CNOT6: variants seen among roughly 807,000 people sequenced by gnomAD.
CNOT6 encodes the protein carbon catabolite repression 4 protein.
Under a neutral mutation model 61.2 loss-of-function variants are expected in CNOT6, and 12 were observed. That is an observed-to-expected ratio of 0.20 (90% CI 0.13 to 0.32). The LOEUF is 0.32. Among genes scored for constraint, CNOT6 ranks in the 10% least tolerant of loss-of-function variants. The pLI is 1.00. For missense variants in CNOT6, 405 were observed against 663.9 expected, an observed-to-expected ratio of 0.61 and a Z score of 4.28; for synonymous variants, 225 against 240.6, an observed-to-expected ratio of 0.94 and a Z score of 0.60.
chr5:180,555,075 C>T (rs186682625), intron 4 of CNOT6, among the ~76,000 whole-genome samples: 8 of 150,832 alleles, frequency 5.3e-5, no homozygotes, highest in African/African-American at 1.2e-4. Context: ...ATCATGATAT[C>T]GGCTCACTGC....
chr5:180,520,746 A>G (rs1757846150), intron 1 of CNOT6, among the ~76,000 whole-genome samples: 1 of 152,166 alleles, frequency 6.6e-6, no homozygotes, highest in African/African-American at 2.4e-5. Flanking sequence ...GAGTTACAAC[A>G]GTTTAGTTAC....
At chr5:180,522,405 G>A (rs1365990023) in intron 1 of CNOT6, among the ~76,000 whole-genome samples, 1 of 152,050 alleles carries the variant, frequency 6.6e-6, no homozygotes, top group Non-Finnish European at 1.5e-5. Flanking sequence ...TGAGCCACTG[G>A]GCCTGGCTTA....
At chr5:180,537,663 A>G (rs1758766683) in intron 2 of CNOT6, among the ~76,000 whole-genome samples, 2 of 152,280 alleles carry the variant, frequency 1.3e-5, no homozygotes, top group Admixed American at 1.3e-4. Flanking sequence ...ATTAGGAAGA[A>G]CATCTTGACA....
chr5:180,541,383 C>T (rs961327505), intron 2 of CNOT6, among the ~76,000 whole-genome samples: 3 of 151,198 alleles, frequency 2.0e-5, no homozygotes, highest in African/African-American at 4.9e-5. Flanking sequence ...GTGATCCACC[C>T]GCCACGGCCT....
intron 2 of CNOT6, among the ~76,000 whole-genome samples, chr5:180,546,012 G>A (rs1013817858): frequency 6.6e-6 from 1 of 150,898 alleles, no homozygotes; most frequent in Non-Finnish European, 1.5e-5. Flanking sequence ...TGAAAATTAT[G>A]TTTTATTTCT....
At chr5:180,495,199 G>A (rs888664019) in intron 1 of CNOT6, among the ~76,000 whole-genome samples, 4 of 152,256 alleles carry the variant, frequency 2.6e-5, no homozygotes, top group Non-Finnish European at 5.9e-5. Context: ...TTACTGTCAA[G>A]CGGGAAACCA....
At chr5:180,513,366 T>C (rs1252138969) in intron 1 of CNOT6, among the ~76,000 whole-genome samples, 1 of 151,772 alleles carries the variant, frequency 6.6e-6, no homozygotes, top group Non-Finnish European at 1.5e-5. Flanking sequence ...ATTTTTTTTA[T>C]TTTTATTTTT....
rs1761003374 is a variant in CNOT6, at chr5:180,576,422, A to C, written c.*2222A>C. The C allele has an allele frequency of 6.6e-6, 1 of 152,638 alleles. No individual in the cohort carries two copies. The highest frequency in any genetic ancestry group is 1.5e-5 in the Non-Finnish European group (1 of 68,042). The allele number at this position is 152,638 out of a possible 1,614,324, so 9.5% of individuals were successfully genotyped here. Reference sequence around the variant, plus strand: ...GCTGGAACTAGAGTGCACTTGTTAGATGCTAAAGGTTTGAGCTTTACACAA... The same window carrying C: ...GCTGGAACTAGAGTGCACTTGTTAGCTGCTAAAGGTTTGAGCTTTACACAA... On this transcript the variant is annotated 3_prime_UTR_variant, in exon 12 of 12. Transcript: ENST00000261951.
intron 1 of CNOT6, among the ~76,000 whole-genome samples, chr5:180,495,024 G>T (rs2127683417): frequency 6.6e-6 from 1 of 152,282 alleles, no homozygotes; most frequent in African/African-American, 2.4e-5. Flanking sequence ...GAGGGGAGAG[G>T]GTCGGCGCTG....
chr5:180,532,857 TA>T (rs1392685453), intron 2 of CNOT6, among the ~76,000 whole-genome samples: 3 of 152,186 alleles, frequency 2.0e-5, no homozygotes, highest in Non-Finnish European at 2.9e-5. Context: ...CAGTTTATTA[TA>T]AAGGATATTA....
At chr5:180,527,224 A>G (rs1758140353) in intron 1 of CNOT6, among the ~76,000 whole-genome samples, 1 of 152,216 alleles carries the variant, frequency 6.6e-6, no homozygotes, top group Non-Finnish European at 1.5e-5. Flanking sequence ...TTTCAAAATC[A>G]GAAAAACCAG....
At chr5:180,518,828 G>T (rs922854362) in intron 1 of CNOT6, among the ~76,000 whole-genome samples, 1 of 152,166 alleles carries the variant, frequency 6.6e-6, no homozygotes. Context: ...TTATAAACGC[G>T]CTCTTTCTCT....
chr5:180,522,075 A>T (rs183780976), intron 1 of CNOT6, among the ~76,000 whole-genome samples: 1 of 152,310 alleles, frequency 6.6e-6, no homozygotes, highest in Admixed American at 6.5e-5. Context: ...TTGCTGGGCC[A>T]AACGGGTAGT....
chr5:180,502,239 TACA>T (rs1309415169), intron 1 of CNOT6, among the ~76,000 whole-genome samples: 1 of 152,208 alleles, frequency 6.6e-6, no homozygotes, highest in East Asian at 1.9e-4. Flanking sequence ...TATTTGGTGA[TACA>T]AAATTGTTTT....
At chr5:180,573,960 G>C in intron 11 of CNOT6, 28 bp from the exon 12 acceptor site, 1 of 1,473,456 alleles carries the variant, frequency 6.8e-7, no homozygotes, top group Non-Finnish European at 9.5e-7. Flanking sequence ...CTTATACGGT[G>C]CTTATCTTTT....
At chr5:180,520,162 A>T (rs774688076) in intron 1 of CNOT6, among the ~76,000 whole-genome samples, 6 of 152,148 alleles carry the variant, frequency 3.9e-5, no homozygotes, top group Non-Finnish European at 8.8e-5. Flanking sequence ...GAACATTTAG[A>T]TTTTCAGTTT....
intron 1 of CNOT6, among the ~76,000 whole-genome samples, chr5:180,516,896 C>T (rs1412121679): frequency 6.6e-6 from 1 of 152,184 alleles, no homozygotes; most frequent in Non-Finnish European, 1.5e-5. Flanking sequence ...GCCAGTTCCT[C>T]TAGTTTTCAA....
chr5:180,554,428 A>T (rs1354421295), intron 4 of CNOT6, among the ~76,000 whole-genome samples: 1 of 152,174 alleles, frequency 6.6e-6, no homozygotes, highest in Non-Finnish European at 1.5e-5. Context: ...AAAAAAAAAA[A>T]AAAAAGGAAT....
At chr5:180,561,790 G>A (rs187409433) in intron 4 of CNOT6, among the ~76,000 whole-genome samples, 45 of 152,278 alleles carry the variant, frequency 3.0e-4, no homozygotes, top group African/African-American at 8.9e-4. Flanking sequence ...CCGCACTGGC[G>A]TGTCCTCTTT....
Sources: gnomAD v4.1 joint callset for allele counts (sites outside exome capture counted in the v4.1 genomes callset) on GRCh38, gnomAD v4.1.1 for gene constraint, MANE v1.5 for transcripts, NCBI Gene and HGNC (gene_info 2026-07-23, HGNC 2026-07-21) for gene names.